Variants in AGBL1 observed in about 807,000 individuals in gnomAD.
AGBL1 encodes the protein cytosolic carboxypeptidase 4.
In AGBL1, 130 loss-of-function variants were observed where a neutral mutation model predicts 118.9. That is an observed-to-expected ratio of 1.09 (90% CI 0.95 to 1.26). The LOEUF (loss-of-function observed/expected upper bound fraction) is 1.26. Ranked by LOEUF, AGBL1 falls within the 50% of genes most tolerant of loss-of-function variation. The pLI is 0.00. For missense variants in AGBL1, 1,584 were observed against 1,298.1 expected, an observed-to-expected ratio of 1.22 and a Z score of -3.38; for synonymous variants, 555 against 478.9, an observed-to-expected ratio of 1.16 and a Z score of -2.08.
chr15:86,418,373 G>A (rs185574861), intron 18 of AGBL1, among the ~76,000 whole-genome samples: 1 of 152,312 alleles, frequency 6.6e-6, no homozygotes, highest in Non-Finnish European at 1.5e-5. Flanking sequence ...CTGAAGGCCT[G>A]TTAAGCTCTG....
At chr15:86,772,994 G>A (rs1453149506) in intron 22 of AGBL1, among the ~76,000 whole-genome samples, 1 of 151,992 alleles carries the variant, frequency 6.6e-6, no homozygotes, top group Non-Finnish European at 1.5e-5. Context: ...CTGAGCCACT[G>A]GCAGCTGGAA....
intron 17 of AGBL1, among the ~76,000 whole-genome samples, chr15:86,379,870 A>G (rs919601466): frequency 1.3e-5 from 2 of 152,222 alleles, no homozygotes; most frequent in Non-Finnish European, 2.9e-5. Flanking sequence ...GCTGTGTCTC[A>G]CTTAAAAAAC....
intron 24 of AGBL1, among the ~76,000 whole-genome samples, chr15:87,025,149 GAAAT>G (rs905222142): frequency 1.3e-5 from 2 of 151,978 alleles, no homozygotes; most frequent in African/African-American, 4.8e-5. Context: ...ATAAGAGAAA[GAAAT>G]AAAGGGCATC....
intron 22 of AGBL1, among the ~76,000 whole-genome samples, chr15:86,721,401 T>C (rs1035739325): frequency 2.0e-5 from 3 of 152,068 alleles, no homozygotes; most frequent in South Asian, 2.1e-4. Flanking sequence ...ACAAAAACCA[T>C]ACGATTATCT....
At chr15:86,809,270 T>C (rs918977721) in intron 22 of AGBL1, among the ~76,000 whole-genome samples, 2 of 152,148 alleles carry the variant, frequency 1.3e-5, no homozygotes, top group Non-Finnish European at 2.9e-5. Context: ...TTATAACTGG[T>C]TACTTAAAAG....
chr15:86,485,824 C>T (rs2082705518), intron 18 of AGBL1, among the ~76,000 whole-genome samples: 1 of 152,076 alleles, frequency 6.6e-6, no homozygotes, highest in Non-Finnish European at 1.5e-5. Context: ...ATCCAGGTGG[C>T]CTGCAGAAAT....
At chr15:86,112,208 T>C (rs1049256562) in intron 1 of AGBL1, among the ~76,000 whole-genome samples, 4 of 152,096 alleles carry the variant, frequency 2.6e-5, no homozygotes, top group Non-Finnish European at 5.9e-5. Context: ...ACACCCACCC[T>C]GTCATGAAAA....
intron 22 of AGBL1, among the ~76,000 whole-genome samples, chr15:86,701,591 C>T (rs2086358926): frequency 6.6e-6 from 1 of 151,972 alleles, no homozygotes; most frequent in South Asian, 2.1e-4. Flanking sequence ...GAAAAGAAAG[C>T]AGTTGAAGAG....
chr15:86,117,416 A>G (rs189310176), intron 1 of AGBL1, among the ~76,000 whole-genome samples: 3 of 152,122 alleles, frequency 2.0e-5, no homozygotes, highest in Non-Finnish European at 4.4e-5. Context: ...TTGGCATCTG[A>G]TTGACCTACC....
chr15:86,702,299 C>G (rs1253341536), intron 22 of AGBL1, among the ~76,000 whole-genome samples: 1 of 152,042 alleles, frequency 6.6e-6, no homozygotes, highest in Non-Finnish European at 1.5e-5. Context: ...TCCCCATAGA[C>G]TAATAAAAAT....
At chr15:86,743,525 C>T (rs1222084486) in intron 22 of AGBL1, among the ~76,000 whole-genome samples, 2 of 152,074 alleles carry the variant, frequency 1.3e-5, no homozygotes, top group African/African-American at 4.8e-5. Flanking sequence ...GGCCATAGTG[C>T]ATGTGGGATC....
intron 21 of AGBL1, among the ~76,000 whole-genome samples, chr15:86,650,479 GT>G (rs748008324): frequency 6.6e-6 from 1 of 152,128 alleles, no homozygotes; most frequent in Non-Finnish European, 1.5e-5. Context: ...TGTTATTGTG[GT>G]TTTTTCTGGG....
chr15:86,760,574 G>A (rs1408383103), intron 22 of AGBL1, among the ~76,000 whole-genome samples: 2 of 152,072 alleles, frequency 1.3e-5, no homozygotes, highest in Admixed American at 1.3e-4. Context: ...ATGGACCTAT[G>A]TAAAAACCAA....
intron 21 of AGBL1, among the ~76,000 whole-genome samples, chr15:86,577,799 C>T (rs977538433): frequency 4.6e-5 from 7 of 151,520 alleles, no homozygotes; most frequent in South Asian, 2.1e-4. Context: ...GCAGCTTCCA[C>T]GTGGTGTTGA....
chr15:86,357,849 C>A (rs1008715044), intron 17 of AGBL1, among the ~76,000 whole-genome samples: 6 of 152,104 alleles, frequency 3.9e-5, no homozygotes, highest in African/African-American at 1.4e-4. Context: ...AGGCCTTAAA[C>A]TCTTAACATA....
At chr15:86,614,613 T>C (rs2084697880) in intron 21 of AGBL1, among the ~76,000 whole-genome samples, 2 of 152,314 alleles carry the variant, frequency 1.3e-5, no homozygotes, top group Admixed American at 6.5e-5. Context: ...AGTTTGAAGC[T>C]ACTGTTACTA....
chr15:86,703,772 TC>T (rs545794949), intron 22 of AGBL1, among the ~76,000 whole-genome samples: 404 of 152,222 alleles, frequency 2.7e-3, no homozygotes, highest in Non-Finnish European at 4.9e-3. Flanking sequence ...GTGTCTTGCT[TC>T]CCCTACACCT....
At chr15:86,153,930 C>T (rs189696297) in intron 3 of AGBL1, among the ~76,000 whole-genome samples, 3 of 152,202 alleles carry the variant, frequency 2.0e-5, no homozygotes, top group Admixed American at 1.3e-4. Flanking sequence ...AATCACAATA[C>T]CATTATTACA....
chr15:86,213,351 A>G (rs1000281451), intron 5 of AGBL1, among the ~76,000 whole-genome samples: 2 of 152,190 alleles, frequency 1.3e-5, no homozygotes, highest in Admixed American at 1.3e-4. Flanking sequence ...TCCCTTGGTC[A>G]GATCTACTGA....
Sources: gnomAD v4.1 joint callset for allele counts (sites outside exome capture counted in the v4.1 genomes callset) on GRCh38, gnomAD v4.1.1 for gene constraint, MANE v1.5 for transcripts, NCBI Gene and HGNC (gene_info 2026-07-23, HGNC 2026-07-21) for gene names.